Variants in QARS1 observed in about 807,000 individuals in gnomAD.
QARS1 encodes the protein glutamine--tRNA ligase.
QARS1 carries 79 observed loss-of-function variants against 106.9 expected under a neutral mutation model. The observed-to-expected ratio is 0.74, with a 90% CI of 0.62 to 0.89. The LOEUF is 0.89. Ranked by LOEUF, QARS1 falls within the 40% of genes least tolerant of loss-of-function variation. The pLI is 0.00. For synonymous variants in QARS1, 395 were observed against 367.7 expected (o/e 1.07, Z -0.85); for missense variants, 966 against 997.2 (o/e 0.97, Z 0.42).
At position 49,098,426 on chromosome 3, in the gene QARS1, C is replaced by T; in HGVS notation, c.2011G>A (p.Gly671Arg). Residue 671 changes from glycine (G) to arginine (R), a missense_variant, in exon 21 of 24, where the codon GGA (glycine) becomes AGA (arginine). Physicochemically the swap from Gly to Arg is moderately radical, Grantham distance 125. Transcript: ENST00000306125. ...TGAATAAAGGCCTTTGGCTTCTCTCCAGCATCTGCCCGTCTGCAGGTCACC... is the reference window on the plus strand; with the variant it reads ...TGAATAAAGGCCTTTGGCTTCTCTCTAGCATCTGCCCGTCTGCAGGTCACC... ...LEVTCRRADA[G>R]EKPKAFIHWV... 6.2e-7 allele frequency: 1 copy of T among 1,614,214 alleles called. No individual in the cohort carries two copies. The highest frequency in any genetic ancestry group is 1.1e-5 in the South Asian group (1 of 91,092).
intron 19 of QARS1, 49 bp from the exon 20 acceptor site, chr3:49,098,741 A>G: frequency 6.5e-7 from 1 of 1,535,448 alleles, no homozygotes; most frequent in Non-Finnish European, 8.8e-7. Context: ...GGGTCAAACA[A>G]GTGGGGAAGC....
intron 23 of QARS1, among the ~76,000 whole-genome samples, chr3:49,096,727 G>A (rs1040774547): frequency 1.4e-5 from 2 of 144,478 alleles, no homozygotes; most frequent in African/African-American, 2.6e-5. Flanking sequence ...GTGAACCCGG[G>A]AGGCAGAGCT....
At position 49,098,499 on chromosome 3, in the gene QARS1, G is replaced by C. The variant is rs112579679; in HGVS notation, c.1957-19C>G. 1.5e-3 allele frequency: 2,384 copies of C among 1,614,028 alleles called. 28 individuals are homozygous for C. In the African/African-American group the frequency reaches 0.027, roughly 19 times the overall value. The stretch of plus-strand genomic sequence containing the variant: ...TGGGGCCCTGGAAGTGGGGGGAGGG[G>C]AGCAGCAATTAGACCCGGGAACCAC... On this transcript the variant is annotated intron_variant, in intron 20 of 23. Transcript: ENST00000306125.
rs79363335 is a variant in QARS1, at chr3:49,098,352, C to A, written c.2084+1G>T. The A allele has an allele frequency of 3.1e-6, 5 of 1,614,232 alleles. No individual in the cohort carries two copies. Among genetic ancestry groups the A allele is most frequent in the Non-Finnish European group, 4.2e-6 (5 of 1,180,042 alleles). Reference sequence around the variant, plus strand: ...CCCCCACCCCAGCTCTGTTCACTCACAGTCGCTCATAGAGGCGAACCTCAC... The same window carrying A: ...CCCCCACCCCAGCTCTGTTCACTCAAAGTCGCTCATAGAGGCGAACCTCAC... On this transcript the variant is annotated splice_donor_variant, in intron 21 of 23. Coordinates refer to ENST00000306125, the MANE Select transcript of QARS1 (RefSeq NM_005051.3). LOFTEE classifies it high-confidence loss of function.
At chr3:49,101,326 G>A (rs778034316) in intron 10 of QARS1, 29 bp downstream of exon 10, 1 of 1,544,796 alleles carries the variant, frequency 6.5e-7, no homozygotes, top group Non-Finnish European at 8.9e-7. Context: ...TGGTCATCTT[G>A]CTTGCCAGGT....
At chr3:49,099,730 C>A in intron 15 of QARS1, 31 bp downstream of exon 15, 1 of 1,613,566 alleles carries the variant, frequency 6.2e-7, no homozygotes, top group South Asian at 1.1e-5. Flanking sequence ...ATTCCACTGG[C>A]CCTACCACCC....
At chr3:49,099,464 G>T in intron 16 of QARS1, 33 bp from the exon 17 acceptor site, 1 of 1,614,130 alleles carries the variant, frequency 6.2e-7, no homozygotes, top group Non-Finnish European at 8.5e-7. Context: ...AAGGCCTTTG[G>T]GAGCATATGC....
rs1197948944 is a variant in QARS1, at chr3:49,104,309, A to G, written c.265+15T>C. The G allele has an allele frequency of 6.2e-7, 1 of 1,613,394 alleles. No homozygotes were observed. Among genetic ancestry groups the G allele is most frequent in the Non-Finnish European group, 8.5e-7 (1 of 1,179,612 alleles). On this transcript the variant is annotated intron_variant, in intron 2 of 23. Coordinates refer to ENST00000306125, the MANE Select transcript of QARS1 (RefSeq NM_005051.3). ...AGGCATTGGTGCGAACTGGCAGGAC[A>G]GGTAGGGGTCTCACCGCTTAGCTGG...
At chr3:49,100,144 C>G in intron 13 of QARS1, 46 bp downstream of exon 13, 1 of 1,614,238 alleles carries the variant, frequency 6.2e-7, no homozygotes, top group Admixed American at 1.7e-5. Context: ...ATCTCATTCT[C>G]AGCACCTTGG....
At position 49,102,257 on chromosome 3, in the gene QARS1, T is replaced by G. The variant is rs1159031477; in HGVS notation, c.579A>C (p.Lys193Asn). 3 of 1,614,094 alleles carry G rather than the reference T, an allele frequency of 1.9e-6. No homozygotes were observed. The highest frequency in any genetic ancestry group is 2.5e-6 in the Non-Finnish European group (3 of 1,180,040). The part of the protein sequence containing the change: ...ADLEKKFKVA[K>N]ARLEETDRRT... ...TCCGGTCTGTTTCTTCTAGCCGAGC[T>G]TTTGCCACCTGAAAGAAGCCCCAGG... is the stretch of plus-strand genomic sequence containing the variant. The change falls in exon 7 of 24, where the codon AAA becomes AAC. Residue 193 changes from lysine to asparagine, a missense_variant. Physicochemically the swap from Lys to Asn is moderately conservative, Grantham distance 94. Coordinates refer to ENST00000306125, the MANE Select transcript of QARS1 (RefSeq NM_005051.3).
chr3:49,104,511 T>A (rs2042513484), intron 1 of QARS1, 40 bp from the exon 2 acceptor site: 2 of 1,610,404 alleles, frequency 1.2e-6, no homozygotes, highest in Non-Finnish European at 1.7e-6. Context: ...CCGCGCTCAG[T>A]GAGAGGAAAG....
chr3:49,099,038 C>A (rs1373270928), intron 18 of QARS1, 49 bp from the exon 19 acceptor site: 2 of 1,612,122 alleles, frequency 1.2e-6, no homozygotes, highest in Non-Finnish European at 1.7e-6. Flanking sequence ...AGCATTAGGA[C>A]CCCCATGCCC....
rs772948431 is a variant in QARS1 at position 49,100,744 on chromosome 3, G to A, written c.877-70C>T. ...CCCCACAATCCTGTTTATCAAACTA[G>A]GATATTCACAGAGCACTCTCATGTC... On this transcript the variant is annotated intron_variant, in intron 10 of 23. Transcript: ENST00000306125. 8 of 1,273,066 alleles carry A rather than the reference G, an allele frequency of 6.3e-6. No homozygotes were observed. In the South Asian group the frequency reaches 8.3e-5, roughly 13 times the overall value. 78.9% of individuals were successfully genotyped at this position (1,273,066 alleles called of 1,614,324 possible). A position where few individuals can be genotyped will look rare whatever the true frequency, so the allele number is the denominator to read the frequency against.
intron 1 of QARS1, 32 bp downstream of exon 1, chr3:49,104,584 TG>T: frequency 6.3e-7 from 1 of 1,598,136 alleles, no homozygotes; most frequent in Non-Finnish European, 8.6e-7. Context: ...CAGCATGGTC[TG>T]CAAACCAGGC....
Position 49,098,955 on chromosome 3 carries a change from T to C in QARS1, c.1793A>G (p.Asp598Gly). 1 of 1,614,086 alleles carries C rather than the reference T, an allele frequency of 6.2e-7. No homozygotes were observed. The highest frequency in any genetic ancestry group is 8.5e-7 in the Non-Finnish European group (1 of 1,179,988). ...AACCTGATGGAAGCCTTTGGTCTCA[T>C]CAGCTGGGAAGTTGGGCACCTGGAT... ...LDIQVPNFPADETKGFHQVPF... is the reference protein window; with the variant it reads ...LDIQVPNFPAGETKGFHQVPF... Residue 598 changes from aspartate to glycine, a missense_variant, in exon 19 of 24, where the codon GAT becomes GGT. Transcript: ENST00000306125.
At chr3:49,103,452 G>T in intron 4 of QARS1, 43 bp from the exon 5 acceptor site, 1 of 1,610,664 alleles carries the variant, frequency 6.2e-7, no homozygotes, top group Non-Finnish European at 8.5e-7. Context: ...GCAAAAAAGA[G>T]TACTCCCCCC....
At position 49,098,994 on chromosome 3, in the gene QARS1, AGCAGGAG is replaced by A; in HGVS notation, c.1759-12_1759-6del. Reference sequence around the variant, plus strand: ...GGGCACCTGGATGTCCAAGGACTATAGCAGGAGACAGGAGACAGGTATGAGTCATACT... The same window carrying A: ...GGGCACCTGGATGTCCAAGGACTATAACAGGAGACAGGTATGAGTCATACT... On this transcript the variant is annotated splice_region_variant and splice_polypyrimidine_tract_variant and intron_variant, in intron 18 of 23. Coordinates refer to ENST00000306125, the MANE Select transcript of QARS1 (RefSeq NM_005051.3). 6.2e-7 allele frequency: 1 copy of A among 1,613,474 alleles called. No homozygotes were observed. Among genetic ancestry groups the A allele is most frequent in the Non-Finnish European group, 8.5e-7 (1 of 1,179,372 alleles).
intron 2 of QARS1, 171 bp from the exon 3 acceptor site, chr3:49,104,143 C>T: frequency 8.8e-7 from 1 of 1,139,802 alleles, no homozygotes. Flanking sequence ...AGAGTGGATC[C>T]CCCCTCAGAC....
At position 49,099,001 on chromosome 3, in the gene QARS1, G is replaced by A. The variant is rs1045048516; in HGVS notation, c.1759-12C>T. 1 of 1,612,332 alleles carries A rather than the reference G, an allele frequency of 6.2e-7. No homozygotes were observed. Among genetic ancestry groups the A allele is most frequent in the Non-Finnish European group, 8.5e-7 (1 of 1,178,474 alleles). On this transcript the variant is annotated splice_polypyrimidine_tract_variant and intron_variant, in intron 18 of 23. Coordinates refer to ENST00000306125, the MANE Select transcript of QARS1 (RefSeq NM_005051.3). ...TGGATGTCCAAGGACTATAGCAGGA[G>A]ACAGGAGACAGGTATGAGTCATACT... is the stretch of plus-strand genomic sequence containing the variant.
Sources: gnomAD v4.1 joint callset for allele counts (sites outside exome capture counted in the v4.1 genomes callset) on GRCh38, gnomAD v4.1.1 for gene constraint, MANE v1.5 for transcripts, NCBI Gene and HGNC (gene_info 2026-07-23, HGNC 2026-07-21) for gene names.